The following JAKMIP3 variants were observed in gnomAD, a reference collection of about 807,000 sequenced individuals.
The protein encoded by JAKMIP3 is janus kinase and microtubule-interacting protein 3.
A neutral mutation model predicts 118.5 loss-of-function variants in JAKMIP3; 58 were observed. The ratio of observed to expected loss-of-function variants is 0.49; its 90% CI spans 0.40 to 0.61. The LOEUF is 0.61. Ranked by LOEUF, JAKMIP3 falls within the 20% of genes least tolerant of loss-of-function variation. The pLI, the probability that JAKMIP3 is intolerant of heterozygous loss-of-function variation, is 0.00. For missense variants in JAKMIP3, 950 were observed against 1,109.0 expected (o/e 0.86, Z 2.04); for synonymous variants, 486 against 451.2 (o/e 1.08, Z -0.98).
rs1427062635 is a variant in JAKMIP3 at position 132,133,574 on chromosome 10, C to T, written c.849+47C>T. 4 of 1,513,598 alleles carry T rather than the reference C, an allele frequency of 2.6e-6. No individual in the cohort carries two copies. In the East Asian group the frequency reaches 7.4e-5, roughly 28 times the overall value. The allele number at this position is 1,513,598 out of a possible 1,614,324, so 93.8% of individuals were successfully genotyped here. ...CGGCCCACCCCGTGTCACAGACAGACCTGGCCATGTGGCTGCATGGCCCTG... is the reference window on the plus strand; with the variant it reads ...CGGCCCACCCCGTGTCACAGACAGATCTGGCCATGTGGCTGCATGGCCCTG... On this transcript the variant is annotated intron_variant, in intron 4 of 23. Coordinates refer to ENST00000684848, the MANE Select transcript of JAKMIP3 (RefSeq NM_001323087.2).
At chr10:132,061,743 A>G (rs2038404797), upstream of JAKMIP3, among the ~76,000 whole-genome samples, 1 of 152,218 alleles carries the variant, frequency 6.6e-6, no homozygotes, top group African/African-American at 2.4e-5. Context: ...CAAGGGTGAA[A>G]AGCTAAAACA....
At chr10:132,149,942 C>A in intron 15 of JAKMIP3, 40 bp from the exon 16 acceptor site, 2 of 1,119,922 alleles carry the variant, frequency 1.8e-6, no homozygotes, top group Non-Finnish European at 2.4e-6. Flanking sequence ...CCTCTGCCCA[C>A]CCCGTGGCCA....
chr10:132,055,592 T>C (rs1394111575), intron 1 of JAKMIP3, among the ~76,000 whole-genome samples: 1 of 152,200 alleles, frequency 6.6e-6, no homozygotes, highest in South Asian at 2.1e-4. Context: ...TGTGCGCAGT[T>C]TGCCCGCCGG....
intron 4 of JAKMIP3, among the ~76,000 whole-genome samples, chr10:132,134,078 C>T (rs775120313): frequency 6.6e-6 from 1 of 152,184 alleles, no homozygotes; most frequent in African/African-American, 2.4e-5. Flanking sequence ...TGGGGTCTGC[C>T]GACCACCCCG....
intron 1 of JAKMIP3, among the ~76,000 whole-genome samples, chr10:132,037,743 G>A (rs1254306632): frequency 6.6e-6 from 1 of 152,224 alleles, no homozygotes; most frequent in Non-Finnish European, 1.5e-5. Flanking sequence ...CTCAGCGGAA[G>A]GCGGGCAGGC....
intron 4 of JAKMIP3, among the ~76,000 whole-genome samples, 200 bp downstream of exon 4, chr10:132,133,727 C>T (rs1360589904): frequency 1.3e-5 from 2 of 152,242 alleles, no homozygotes; most frequent in Non-Finnish European, 2.9e-5. Context: ...CTGGTGGACT[C>T]GTCTCCTTCC....
At chr10:132,090,009 G>A (rs1021682829) in intron 1 of JAKMIP3, among the ~76,000 whole-genome samples, 3 of 152,250 alleles carry the variant, frequency 2.0e-5, no homozygotes, top group Middle Eastern at 3.4e-3. Context: ...GCTGGATTAC[G>A]TTTATTGATT....
At position 132,076,931 on chromosome 10, in the gene JAKMIP3, A is replaced by G. The variant is rs559091196; in HGVS notation, c.-138+10870A>G. ...CTGTGGTGGCCCCGGATCTGACAGCAGTGTGAGGGCTGGCCTGCGGTGGCC... is the reference window on the plus strand; with the variant it reads ...CTGTGGTGGCCCCGGATCTGACAGCGGTGTGAGGGCTGGCCTGCGGTGGCC... On this transcript the variant is annotated intron_variant, in intron 1 of 23. Transcript: ENST00000684848. 3.4e-3 allele frequency among the ~76,000 whole-genome samples: 359 copies of G among 104,338 alleles called. 1 individual carries two copies. The highest frequency in any genetic ancestry group is 0.013 in the African/African-American group (338 of 26,674). 68.4% of individuals were successfully genotyped at this position (104,338 alleles called of 152,430 possible).
At chr10:132,139,397 T>G (rs1236121060) in intron 9 of JAKMIP3, among the ~76,000 whole-genome samples, 1 of 138,158 alleles carries the variant, frequency 7.2e-6, no homozygotes, top group Non-Finnish European at 1.5e-5. Flanking sequence ...TGTATGAGTA[T>G]GTGAGTGTGT....
chr10:132,138,238 C>T (rs1024706019), intron 9 of JAKMIP3, 60 bp downstream of exon 9: 42 of 1,449,064 alleles, frequency 2.9e-5, no homozygotes, highest in Non-Finnish European at 3.1e-5. Context: ...GAGAGGACCA[C>T]GCCCGCGTGT....
intron 3 of JAKMIP3, among the ~76,000 whole-genome samples, chr10:132,129,155 T>C (rs535795269): frequency 5.3e-5 from 8 of 152,152 alleles, no homozygotes; most frequent in Non-Finnish European, 1.2e-4. Flanking sequence ...CTGGATCCTT[T>C]TGAGGTGTGG....
Position 132,180,772 on chromosome 10 carries a change from T to TGTGTGTGTGTGC in JAKMIP3, c.*1104-1583_*1104-1572dup, listed in dbSNP as rs2061284760. ...GCGCGCGTGTGTGCGTGTGTGTGCG[T>TGTGTGTGTGTGC]GTGTGTGTGTGCGCGTATGCATGTG... On this transcript the variant is annotated intron_variant, in intron 23 of 23. Coordinates refer to ENST00000684848, the MANE Select transcript of JAKMIP3 (RefSeq NM_001323087.2). Among the ~76,000 whole-genome samples the TGTGTGTGTGTGC allele has an allele frequency of 3.1e-5, 2 of 63,676 alleles. 1 individual carries two copies. The highest frequency in any genetic ancestry group is 1.6e-4 in the African/African-American group (2 of 12,150). 41.8% of individuals were successfully genotyped at this position (63,676 alleles called of 152,430 possible).
intron 20 of JAKMIP3, 44 bp from the exon 21 acceptor site, chr10:132,164,626 G>T (rs560305978): frequency 7.7e-7 from 1 of 1,293,072 alleles, no homozygotes; most frequent in South Asian, 1.2e-5. Context: ...TGGGTTTCCC[G>T]AGTACTGTGA....
intron 19 of JAKMIP3, among the ~76,000 whole-genome samples, chr10:132,156,561 C>A (rs934753442): frequency 2.1e-4 from 32 of 152,156 alleles, no homozygotes; most frequent in African/African-American, 7.2e-4. Context: ...CCTGCCCATC[C>A]CTGATTGACA....
At chr10:132,139,504 A>G (rs973775796) in intron 9 of JAKMIP3, among the ~76,000 whole-genome samples, 8 of 127,556 alleles carry the variant, frequency 6.3e-5, no homozygotes, top group African/African-American at 1.9e-4. Context: ...GTGAGTGTGT[A>G]TGTGTGAGTG....
chr10:132,180,652 C>CGT lies in JAKMIP3; in HGVS notation c.*1104-1701_*1104-1700dup, dbSNP rs1214705992. 2.3e-3 allele frequency among the ~76,000 whole-genome samples: 20 copies of CGT among 8,676 alleles called. 3 individuals are homozygous for CGT. The highest frequency in any genetic ancestry group is 8.5e-3 in the African/African-American group (15 of 1,758). The allele number at this position is 8,676 out of a possible 152,430, so 5.7% of individuals were successfully genotyped here. A position where few individuals can be genotyped will look rare whatever the true frequency, so the allele number is the denominator to read the frequency against. ...GTGTGTGCGTGCGTGTGTGCGTGTGCGTGTGCGTGTGTGCGTGTGTGTGCG... is the reference window on the plus strand; with the variant it reads ...GTGTGTGCGTGCGTGTGTGCGTGTGCGTGTGTGCGTGTGTGCGTGTGTGTGCG... On this transcript the variant is annotated intron_variant, in intron 23 of 23. Coordinates refer to ENST00000684848, the MANE Select transcript of JAKMIP3 (RefSeq NM_001323087.2).
At chr10:132,052,620 A>G (rs2038132529) in intron 1 of JAKMIP3, among the ~76,000 whole-genome samples, 1 of 152,054 alleles carries the variant, frequency 6.6e-6, no homozygotes, top group African/African-American at 2.4e-5. Flanking sequence ...TTTGTTCTCA[A>G]TTATCTTCAG....
intron 19 of JAKMIP3, among the ~76,000 whole-genome samples, chr10:132,155,051 C>CAATGATCATG: frequency 5.0e-5 from 1 of 20,120 alleles, no homozygotes; most frequent in Non-Finnish European, 7.4e-5. Context: ...ATCATGATGA[C>CAATGATCATG]ATGGTGGTAG....
At chr10:132,148,712 G>A (rs1327873010) in intron 14 of JAKMIP3, among the ~76,000 whole-genome samples, 1 of 152,248 alleles carries the variant, frequency 6.6e-6, no homozygotes, top group African/African-American at 2.4e-5. Flanking sequence ...CAGGAGGAGG[G>A]AGGAGGGGAA....
Sources: gnomAD v4.1 joint callset for allele counts (sites outside exome capture counted in the v4.1 genomes callset) on GRCh38, gnomAD v4.1.1 for gene constraint, MANE v1.5 for transcripts, NCBI Gene and HGNC (gene_info 2026-07-23, HGNC 2026-07-21) for gene names.